Variants in IL1RAPL2 observed in about 807,000 individuals in gnomAD.
The protein encoded by IL1RAPL2 is interleukin 1 receptor accessory protein like 2.
In IL1RAPL2, 3 loss-of-function variants were observed where a neutral mutation model predicts 44.1. That is an observed-to-expected ratio of 0.07 (90% confidence interval 0.03 to 0.18). The LOEUF is 0.18. IL1RAPL2 is among the 10% of genes least tolerant of loss of function. IL1RAPL2 has a pLI of 1.00. For synonymous variants in IL1RAPL2, 181 were observed against 178.8 expected (o/e 1.01, Z -0.10); for missense variants, 391 against 496.4 (o/e 0.79, Z 2.02).
At chrX:105,515,434 G>C (rs1036644269) in intron 6 of IL1RAPL2, among the ~76,000 whole-genome samples, 2 of 111,369 alleles carry the variant, frequency 1.8e-5, no homozygotes, top group Non-Finnish European at 3.8e-5. Context: ...TAATTTCCCA[G>C]CTTCACCATT....
intron 2 of IL1RAPL2, among the ~76,000 whole-genome samples, chrX:104,958,251 G>A (rs2029938393): frequency 9.1e-6 from 1 of 109,858 alleles, no homozygotes; most frequent in Non-Finnish European, 1.9e-5. Context: ...AATTTTACTA[G>A]GTTATATGGT....
intron 2 of IL1RAPL2, among the ~76,000 whole-genome samples, chrX:104,712,647 A>AT (rs975149997): frequency 9.0e-6 from 1 of 110,577 alleles, no homozygotes; most frequent in African/African-American, 3.3e-5. Flanking sequence ...TAGACCAGTA[A>AT]TTTTTTTTCT....
intron 2 of IL1RAPL2, among the ~76,000 whole-genome samples, chrX:104,701,555 T>A (rs1355220237): frequency 8.9e-6 from 1 of 112,161 alleles, no homozygotes; most frequent in East Asian, 2.8e-4. Flanking sequence ...GCTACTGATG[T>A]CTCTAGAAAA....
At chrX:105,463,570 C>CCACA (rs55781747) in intron 5 of IL1RAPL2, among the ~76,000 whole-genome samples, 13 of 98,651 alleles carry the variant, frequency 1.3e-4, no homozygotes, top group East Asian at 3.3e-4. Flanking sequence ...TCTCTCTCTC[C>CCACA]CACACACACA....
chrX:105,200,835 C>T (rs1460466564), intron 3 of IL1RAPL2, among the ~76,000 whole-genome samples: 1 of 110,927 alleles, frequency 9.0e-6, no homozygotes, highest in Non-Finnish European at 1.9e-5. Flanking sequence ...TTGCTTGAAT[C>T]GGGAGGCAGA....
At chrX:104,876,209 C>T (rs1922895758) in intron 2 of IL1RAPL2, among the ~76,000 whole-genome samples, 2 of 111,585 alleles carry the variant, frequency 1.8e-5, no homozygotes, top group Admixed American at 1.9e-4. Context: ...GTCAGATCCC[C>T]CATAACTATG....
chrX:105,320,888 G>C (rs2034892390), intron 5 of IL1RAPL2, among the ~76,000 whole-genome samples: 1 of 111,693 alleles, frequency 9.0e-6, no homozygotes. Context: ...CCCATGCTCT[G>C]CACCAGTGTT....
intron 2 of IL1RAPL2, among the ~76,000 whole-genome samples, chrX:104,745,567 T>C (rs1043375467): frequency 9.8e-5 from 11 of 112,503 alleles, no homozygotes; most frequent in African/African-American, 2.6e-4. Context: ...TGCACCTGTA[T>C]TGAAGTTTAA....
intron 2 of IL1RAPL2, among the ~76,000 whole-genome samples, chrX:104,774,826 A>G (rs1002816096): frequency 8.0e-5 from 9 of 112,459 alleles, no homozygotes; most frequent in African/African-American, 2.9e-4. Context: ...TTTGAATGGG[A>G]AATGGGGAAA....
At chrX:105,709,051 A>G (rs866095495) in intron 6 of IL1RAPL2, among the ~76,000 whole-genome samples, 1 of 112,483 alleles carries the variant, frequency 8.9e-6, no homozygotes, top group South Asian at 3.6e-4. Flanking sequence ...ACTTGCTAGT[A>G]TAGTGAGTTA....
chrX:105,663,798 C>G (rs1230774078), intron 6 of IL1RAPL2, among the ~76,000 whole-genome samples: 1 of 111,928 alleles, frequency 8.9e-6, no homozygotes, highest in African/African-American at 3.2e-5. Context: ...AGATTGAGGT[C>G]TGCAGCTGCA....
chrX:105,619,103 T>C (rs771484906), intron 6 of IL1RAPL2, among the ~76,000 whole-genome samples: 7 of 111,046 alleles, frequency 6.3e-5, no homozygotes, highest in Non-Finnish European at 1.3e-4. Flanking sequence ...TATTAACTTA[T>C]ACATTTCATG....
chrX:105,325,541 TTATATATATATA>T (rs3035842), intron 5 of IL1RAPL2, among the ~76,000 whole-genome samples: 34 of 76,065 alleles, frequency 4.5e-4, no homozygotes, highest in African/African-American at 7.0e-4. Flanking sequence ...TCTCTTGGTT[TTATATATATATA>T]TATATATATA....
At chrX:104,761,975 CTTCTTCTT>C (rs1932465701) in intron 2 of IL1RAPL2, among the ~76,000 whole-genome samples, 1 of 96,884 alleles carries the variant, frequency 1.0e-5, no homozygotes, top group African/African-American at 4.0e-5. Flanking sequence ...TCTTCTTCTT[CTTCTTCTT>C]CCTCCTCCTC....
chrX:104,594,959 G>A (rs754062181), intron 1 of IL1RAPL2, among the ~76,000 whole-genome samples: 87 of 112,018 alleles, frequency 7.8e-4, no homozygotes, highest in Non-Finnish European at 9.2e-4. Flanking sequence ...AGGTGGCTTC[G>A]TATGGCATGT....
chrX:105,086,812 A>T (rs2032486103), intron 2 of IL1RAPL2, among the ~76,000 whole-genome samples: 1 of 110,198 alleles, frequency 9.1e-6, no homozygotes, highest in Non-Finnish European at 1.9e-5. Flanking sequence ...AAATAAATAA[A>T]ATTTAAGTTT....
intron 2 of IL1RAPL2, among the ~76,000 whole-genome samples, chrX:105,140,783 G>T (rs1302762625): frequency 1.8e-5 from 2 of 112,571 alleles, no homozygotes; most frequent in East Asian, 2.8e-4. Flanking sequence ...TGAGACGAAA[G>T]CATTTAAAGG....
At chrX:104,780,464 A>G (rs1325169418) in intron 2 of IL1RAPL2, among the ~76,000 whole-genome samples, 4 of 111,514 alleles carry the variant, frequency 3.6e-5, no homozygotes, top group African/African-American at 1.3e-4. Context: ...AGGGGGTGTC[A>G]GTTTCAGCCA....
intron 1 of IL1RAPL2, among the ~76,000 whole-genome samples, chrX:104,656,485 T>C (rs1472916852): frequency 8.9e-6 from 1 of 112,206 alleles, no homozygotes; most frequent in Non-Finnish European, 1.9e-5. Flanking sequence ...TTCTGCAGTT[T>C]TGAGTTAGTT....
Sources: gnomAD v4.1 joint callset for allele counts (sites outside exome capture counted in the v4.1 genomes callset) on GRCh38, gnomAD v4.1.1 for gene constraint, MANE v1.5 for transcripts, NCBI Gene and HGNC (gene_info 2026-07-23, HGNC 2026-07-21) for gene names.